CASP1: variants seen among roughly 807,000 people sequenced by gnomAD.
The protein encoded by CASP1 is caspase-1.
In CASP1, 31 loss-of-function variants were observed where a neutral mutation model predicts 41.2. That is an observed-to-expected ratio of 0.75 (90% CI 0.57 to 1.02). The LOEUF is 1.02. Among genes scored for constraint, CASP1 ranks in the 50% least tolerant of loss-of-function variants. CASP1 has a pLI of 0.00. For synonymous variants in CASP1, 163 were observed against 166.5 expected (o/e 0.98, Z 0.16); for missense variants, 490 against 495.7 (o/e 0.99, Z 0.11).
chr11:105,034,998 T>C, intron 1 of CASP1, 109 bp downstream of exon 1: 4 of 1,427,716 alleles, frequency 2.8e-6, no homozygotes, highest in Non-Finnish European at 3.9e-6. Flanking sequence ...TTTCCTTGCT[T>C]CTACTCAAGT....
chr11:105,029,865 C>A lies in CASP1; in HGVS notation c.662G>T (p.Arg221Leu), dbSNP rs142765993. Residue 221 changes from arginine to leucine, a missense_variant, in exon 6 of 9, where the codon CGC (arginine) becomes CTC (leucine). Physicochemically the swap from Arg to Leu is moderately radical, Grantham distance 102 (BLOSUM62 -2). Transcript: ENST00000533400. ...MTTELEAFAH[R>L]PEHKTSDSTF... ...GCTGTCAGAGGTCTTGTGCTCTGGGCGGTGTGCAAATGCCTCCAGCTCTGT... is the reference window on the plus strand; with the variant it reads ...GCTGTCAGAGGTCTTGTGCTCTGGGAGGTGTGCAAATGCCTCCAGCTCTGT... 4 of 1,613,610 alleles carry A rather than the reference C, an allele frequency of 2.5e-6. No individual in the cohort carries two copies. In the East Asian group the frequency reaches 8.9e-5, roughly 36 times the overall value.
chr11:105,029,293 A>T (rs760476275), intron 6 of CASP1, 26 bp from the exon 7 acceptor site: 1 of 1,600,256 alleles, frequency 6.2e-7, no homozygotes, highest in Non-Finnish European at 8.5e-7. Flanking sequence ...TTGATTTGTT[A>T]CTACTACCAA....
At chr11:105,034,658 C>T in intron 1 of CASP1, 184 bp from the exon 2 acceptor site, 2 of 996,592 alleles carry the variant, frequency 2.0e-6, no homozygotes, top group South Asian at 3.3e-5. Flanking sequence ...CATACATGTG[C>T]ATGGAGTGAC....
At chr11:105,029,389 A>G in intron 6 of CASP1, 122 bp from the exon 7 acceptor site, 1 of 763,112 alleles carries the variant, frequency 1.3e-6, no homozygotes, top group Non-Finnish European at 2.1e-6. Context: ...ATGCAAATAG[A>G]CACATGCATT....
rs1190772065 is a variant in CASP1, at chr11:105,025,737, C to A, written c.*521G>T. On this transcript the variant is annotated 3_prime_UTR_variant, in exon 9 of 9. Coordinates refer to ENST00000533400, the MANE Select transcript of CASP1 (RefSeq NM_001257118.3). ...AGACCACATGCTATGTTTAAATATACCCTGCTGAGGTGAAGGAGAGAAACA... is the reference window on the plus strand; with the variant it reads ...AGACCACATGCTATGTTTAAATATAACCTGCTGAGGTGAAGGAGAGAAACA... The A allele has an allele frequency of 9.5e-6, 3 of 315,318 alleles. No homozygotes were observed. The Admixed American group carries it at 1.3e-4, about 14-fold the overall frequency. 19.5% of individuals were successfully genotyped at this position (315,318 alleles called of 1,614,324 possible). A position where few individuals can be genotyped will look rare whatever the true frequency, so the allele number is the denominator to read the frequency against.
chr11:105,035,548 A>C (rs1429144598), upstream of CASP1, among the ~76,000 whole-genome samples: 1 of 151,574 alleles, frequency 6.6e-6, no homozygotes, highest in Non-Finnish European at 1.5e-5. Context: ...TAAGAAATAG[A>C]AACATTTTTC....
intron 3 of CASP1, 53 bp from the exon 4 acceptor site, chr11:105,031,333 T>G (rs1372054598): frequency 1.9e-6 from 2 of 1,065,012 alleles, no homozygotes; most frequent in Non-Finnish European, 2.9e-6. Context: ...TGTTCCACTT[T>G]GTGTTTGTTA....
chr11:105,026,210 G>A lies in CASP1; in HGVS notation c.*48C>T, dbSNP rs148707413. 15 of 1,227,028 alleles carry A rather than the reference G, an allele frequency of 1.2e-5. No homozygotes were observed. Among genetic ancestry groups the A allele is most frequent in the African/African-American group, 6.0e-5 (4 of 67,088 alleles). 76.0% of individuals were successfully genotyped at this position (1,227,028 alleles called of 1,614,324 possible). A position where few individuals can be genotyped will look rare whatever the true frequency, so the allele number is the denominator to read the frequency against. ...CTTTCCTCAACCTTCCCACACTCCC[G>A]ACCATACACATGTACCTGCCCACAG... On this transcript the variant is annotated 3_prime_UTR_variant, in exon 9 of 9. Coordinates refer to ENST00000533400, the MANE Select transcript of CASP1 (RefSeq NM_001257118.3).
At chr11:105,036,429 A>G (rs1460254611), upstream of CASP1, among the ~76,000 whole-genome samples, 1 of 152,076 alleles carries the variant, frequency 6.6e-6, no homozygotes, top group African/African-American at 2.4e-5. Flanking sequence ...CTGTTTCCCT[A>G]CTCAAATCTC....
intron 3 of CASP1, among the ~76,000 whole-genome samples, chr11:105,031,499 T>A (rs1429989046): frequency 6.6e-6 from 1 of 152,192 alleles, no homozygotes; most frequent in East Asian, 1.9e-4. Flanking sequence ...TCTTCTTTCA[T>A]ATTTCAGGAT....
chr11:105,031,405 T>C (rs749149374), intron 3 of CASP1, 125 bp from the exon 4 acceptor site: 2 of 558,970 alleles, frequency 3.6e-6, no homozygotes, highest in Admixed American at 3.1e-5. Flanking sequence ...ACAATCCTGA[T>C]CTACATCATT....
intron 7 of CASP1, among the ~76,000 whole-genome samples, chr11:105,027,540 C>A (rs185988137): frequency 9.3e-4 from 142 of 152,016 alleles, no homozygotes; most frequent in African/African-American, 2.8e-3. Flanking sequence ...ATAGTAGACA[C>A]AGAAGTAATG....
rs772969631 is a variant in CASP1 at position 105,025,557 on chromosome 11, C to G, written c.*701G>C. On this transcript the variant is annotated 3_prime_UTR_variant, in exon 9 of 9. Transcript: ENST00000533400. ...TATTTCAAAAAAGTTTATTATTCAG[C>G]AGACATAATTCCAAAAACCTTTACA... 5.6e-5 allele frequency: 24 copies of G among 426,488 alleles called. No individual in the cohort carries two copies. The highest frequency in any genetic ancestry group is 6.9e-4 in the Middle Eastern group (2 of 2,916). The allele number at this position is 426,488 out of a possible 1,614,324, so 26.4% of individuals were successfully genotyped here.
At position 105,030,493 on chromosome 11, in the gene CASP1, A is replaced by G; in HGVS notation, c.464T>C (p.Ile155Thr). ...ACGTGTGCGGCTTGACTTGTCCATT[A>G]TTGGATAAATCTGTAGGAAATGCAA... ...WKQKSAEIYP[I>T]MDKSSRTRLA... Residue 155 changes from isoleucine (I) to threonine (T), a missense_variant, in exon 5 of 9, where the codon ATA (isoleucine) becomes ACA (threonine). Ile to Thr is a moderately conservative substitution (Grantham distance 89, BLOSUM62 -1). Coordinates refer to ENST00000533400, the MANE Select transcript of CASP1 (RefSeq NM_001257118.3). 6.2e-7 allele frequency: 1 copy of G among 1,611,768 alleles called. No individual in the cohort carries two copies. The highest frequency in any genetic ancestry group is 8.5e-7 in the Non-Finnish European group (1 of 1,178,912).
chr11:105,029,039 G>A (rs755026258), intron 7 of CASP1, 85 bp downstream of exon 7: 7 of 1,285,452 alleles, frequency 5.4e-6, no homozygotes, highest in East Asian at 4.7e-5. Context: ...TTGGTCTTGA[G>A]TTGTTAATCA....
chr11:105,033,767 G>C, intron 2 of CASP1: 2 of 392,516 alleles, frequency 5.1e-6, no homozygotes, highest in South Asian at 4.0e-5. Flanking sequence ...TATTCTTTTG[G>C]GAGGGTAAAA....
At chr11:105,030,842 C>A in intron 4 of CASP1, 1 of 347,980 alleles carries the variant, frequency 2.9e-6, no homozygotes, top group Non-Finnish European at 5.2e-6. Context: ...CCCGTCTCAG[C>A]TTCTTGATCT....
At chr11:105,034,066 A>G in intron 2 of CASP1, 142 bp downstream of exon 2, 2 of 1,364,012 alleles carry the variant, frequency 1.5e-6, no homozygotes, top group South Asian at 2.4e-5. Flanking sequence ...GGGACATGCA[A>G]TAGGGACCCT....
chr11:105,031,894 C>T (rs1033748789), intron 3 of CASP1, among the ~76,000 whole-genome samples: 83 of 151,946 alleles, frequency 5.5e-4, no homozygotes, highest in African/African-American at 1.8e-3. Context: ...AAGGTACACA[C>T]TAGATGGATT....
Sources: allele counts gnomAD v4.1 joint callset (sites outside exome capture counted in the v4.1 genomes callset), GRCh38; gene constraint gnomAD v4.1.1; transcripts MANE v1.5; gene names NCBI Gene and HGNC (gene_info 2026-07-23, HGNC 2026-07-21).